The following PALLD variants were observed in gnomAD, a reference collection of about 807,000 sequenced individuals.
PALLD encodes palladin.
In PALLD, 61 loss-of-function variants were observed where a neutral mutation model predicts 123.5. That is an observed-to-expected ratio of 0.49 (90% CI 0.40 to 0.61). The LOEUF (loss-of-function observed/expected upper bound fraction) is 0.61, where lower values mean the gene tolerates loss of function less well. Among genes scored for constraint, PALLD ranks in the 20% least tolerant of loss-of-function variants. The pLI, the probability that PALLD is intolerant of heterozygous loss-of-function variation, is 0.00. For synonymous variants in PALLD, 465 were observed against 496.4 expected (o/e 0.94, Z 0.84); for missense variants, 1,273 against 1,377.0 (o/e 0.92, Z 1.20).
intron 5 of PALLD, 35 bp from the exon 6 acceptor site, chr4:168,685,450 T>A: frequency 7.2e-7 from 1 of 1,387,512 alleles, no homozygotes; most frequent in Non-Finnish European, 1.0e-6. Flanking sequence ...AATTTATATA[T>A]TTAGAATTTG....
At chr4:168,538,771 A>G (rs1765326631) in intron 2 of PALLD, among the ~76,000 whole-genome samples, 1 of 152,226 alleles carries the variant, frequency 6.6e-6, no homozygotes. Context: ...AGGCTCCAAA[A>G]ATAAATTACA....
chr4:168,576,027 G>C (rs994652551), intron 2 of PALLD, among the ~76,000 whole-genome samples: 1 of 152,018 alleles, frequency 6.6e-6, no homozygotes, highest in African/African-American at 2.4e-5. Context: ...AACTGGTCTA[G>C]AAAGGATAAA....
At chr4:168,713,947 T>G (rs1360335644) in intron 10 of PALLD, among the ~76,000 whole-genome samples, 1 of 145,196 alleles carries the variant, frequency 6.9e-6, no homozygotes, top group Admixed American at 6.8e-5. Context: ...CCATTGTTTT[T>G]TTTTTTTTTT....
At chr4:168,779,112 C>T (rs1220495046) in intron 10 of PALLD, among the ~76,000 whole-genome samples, 1 of 152,196 alleles carries the variant, frequency 6.6e-6, no homozygotes, top group Non-Finnish European at 1.5e-5. Flanking sequence ...GTTAACTAGA[C>T]ATCAGAATAT....
At chr4:168,654,965 G>T (rs570446668) in intron 2 of PALLD, among the ~76,000 whole-genome samples, 1 of 141,946 alleles carries the variant, frequency 7.0e-6, no homozygotes, top group Non-Finnish European at 1.5e-5. Context: ...TTAAATCCAG[G>T]CATATATGTA....
chr4:168,780,564 C>G (rs1735772859), intron 10 of PALLD, among the ~76,000 whole-genome samples: 1 of 152,228 alleles, frequency 6.6e-6, no homozygotes, highest in Admixed American at 6.5e-5. Flanking sequence ...CTGCCTCATC[C>G]TTTTCCTTTT....
chr4:168,813,603 A>G (rs1188637093), intron 10 of PALLD, among the ~76,000 whole-genome samples: 6 of 152,204 alleles, frequency 3.9e-5, no homozygotes, highest in Non-Finnish European at 1.5e-5. Flanking sequence ...GACTGCCGGC[A>G]CATGCCACCA....
chr4:168,846,782 A>C (rs1746921171), intron 10 of PALLD, among the ~76,000 whole-genome samples: 1 of 152,210 alleles, frequency 6.6e-6, no homozygotes, highest in Admixed American at 6.5e-5. Context: ...TGGTACCCAC[A>C]CTGGTGGTGT....
intron 2 of PALLD, among the ~76,000 whole-genome samples, chr4:168,666,635 A>G (rs1779685046): frequency 6.6e-6 from 1 of 152,190 alleles, no homozygotes. Flanking sequence ...GTATAAGAAA[A>G]CGATAGGGCC....
intron 10 of PALLD, among the ~76,000 whole-genome samples, chr4:168,861,364 G>A (rs1749439654): frequency 1.3e-5 from 2 of 152,042 alleles, no homozygotes; most frequent in Non-Finnish European, 2.9e-5. Context: ...TGGCTTAGGA[G>A]GGAACTTGAG....
intron 2 of PALLD, among the ~76,000 whole-genome samples, chr4:168,549,875 CA>C (rs1039392719): frequency 4.6e-5 from 7 of 152,046 alleles, no homozygotes; most frequent in Non-Finnish European, 1.0e-4. Flanking sequence ...TAGCATTTAG[CA>C]AAAGGCAATG....
intron 10 of PALLD, among the ~76,000 whole-genome samples, chr4:168,865,675 C>T (rs1750162152): frequency 6.6e-6 from 1 of 152,102 alleles, no homozygotes; most frequent in Admixed American, 6.6e-5. Flanking sequence ...AATTGTATCA[C>T]ATTTAGTGAT....
chr4:168,588,068 G>C (rs1051783066), intron 2 of PALLD, among the ~76,000 whole-genome samples: 3 of 152,008 alleles, frequency 2.0e-5, no homozygotes, highest in Non-Finnish European at 2.9e-5. Flanking sequence ...CTTGGATCTG[G>C]GTCAGTCTCG....
At chr4:168,680,680 A>G (rs1781468108) in intron 3 of PALLD, among the ~76,000 whole-genome samples, 1 of 152,136 alleles carries the variant, frequency 6.6e-6, no homozygotes, top group Non-Finnish European at 1.5e-5. Flanking sequence ...AGTTAAATGT[A>G]TCTTGGAAAC....
chr4:168,851,741 A>G (rs1326283343), intron 10 of PALLD, among the ~76,000 whole-genome samples: 1 of 152,200 alleles, frequency 6.6e-6, no homozygotes, highest in East Asian at 1.9e-4. Flanking sequence ...TTAATATTAG[A>G]CATTAAAATA....
intron 5 of PALLD, 54 bp downstream of exon 5, chr4:168,683,157 G>A: frequency 2.0e-6 from 2 of 978,100 alleles, no homozygotes; most frequent in Non-Finnish European, 3.3e-6. Context: ...CAGCAAACTT[G>A]TGGATTTTAA....
chr4:168,573,053 A>G (rs577439618), intron 2 of PALLD, among the ~76,000 whole-genome samples: 1 of 81,584 alleles, frequency 1.2e-5, no homozygotes, highest in East Asian at 1.3e-3. Flanking sequence ...ACCCTCATCT[A>G]CCACTCTTCT....
chr4:168,565,984 T>A (rs1768336563), intron 2 of PALLD, among the ~76,000 whole-genome samples: 1 of 152,146 alleles, frequency 6.6e-6, no homozygotes, highest in Non-Finnish European at 1.5e-5. Context: ...TTCCTTAAAA[T>A]ACTCTTAGAA....
chr4:168,711,057 T>C (rs1183626615), intron 9 of PALLD, among the ~76,000 whole-genome samples: 3 of 152,224 alleles, frequency 2.0e-5, no homozygotes. Flanking sequence ...TCTTTCGTAC[T>C]GAGTTATAGT....
Sources: allele counts gnomAD v4.1 joint callset (sites outside exome capture counted in the v4.1 genomes callset), GRCh38; gene constraint gnomAD v4.1.1; transcripts MANE v1.5; gene names NCBI Gene and HGNC (gene_info 2026-07-23, HGNC 2026-07-21).